Variants in ANO3 observed in about 807,000 individuals in gnomAD.
The protein encoded by ANO3 is anoctamin 3.
Under a neutral mutation model 144.8 loss-of-function variants are expected in ANO3, and 99 were observed. The ratio of observed to expected loss-of-function variants is 0.68; its 90% CI spans 0.58 to 0.81. The LOEUF (loss-of-function observed/expected upper bound fraction) is 0.81. Among genes scored for constraint, ANO3 ranks in the 30% least tolerant of loss-of-function variants. The pLI is 0.00. For synonymous variants in ANO3, 414 were observed against 392.6 expected, an observed-to-expected ratio of 1.05 and a Z score of -0.64; for missense variants, 905 against 1,202.2, an observed-to-expected ratio of 0.75 and a Z score of 3.66.
intron 1 of ANO3, among the ~76,000 whole-genome samples, chr11:26,437,887 CAATT>C (rs1858351371): frequency 6.6e-6 from 1 of 152,202 alleles, no homozygotes; most frequent in East Asian, 1.9e-4. Context: ...ATATTTAAAA[CAATT>C]AATCAAGACA....
intron 1 of ANO3, among the ~76,000 whole-genome samples, chr11:26,324,085 A>T (rs1854827573): frequency 6.6e-6 from 1 of 152,200 alleles, no homozygotes; most frequent in South Asian, 2.1e-4. Context: ...GCCCTACCTT[A>T]AGAGTATTTC....
chr11:26,394,536 A>AC (rs1175639980), intron 1 of ANO3, among the ~76,000 whole-genome samples: 1 of 151,344 alleles, frequency 6.6e-6, no homozygotes, highest in Admixed American at 6.6e-5. Flanking sequence ...AATAGGAGAT[A>AC]GATGGAAAAC....
chr11:26,551,314 TTGAG>T (rs1565097945), intron 12 of ANO3, among the ~76,000 whole-genome samples: 1 of 151,976 alleles, frequency 6.6e-6, no homozygotes, highest in East Asian at 1.9e-4. Flanking sequence ...AAACCACAAT[TTGAG>T]TGGTTGTTTG....
chr11:26,191,991 A>T (rs1019034786), intron 1 of ANO3, among the ~76,000 whole-genome samples: 1 of 152,218 alleles, frequency 6.6e-6, no homozygotes, highest in African/African-American at 2.4e-5. Context: ...CACATATAAA[A>T]ATTATGATTA....
chr11:26,508,826 T>C (rs1861535938), intron 5 of ANO3: 1 of 151,892 alleles, frequency 6.6e-6, no homozygotes, highest in South Asian at 2.1e-4. Flanking sequence ...TGTACAGTTA[T>C]AGAAAACATG....
intron 8 of ANO3, among the ~76,000 whole-genome samples, chr11:26,532,394 A>G (rs888492929): frequency 2.0e-5 from 3 of 152,148 alleles, no homozygotes; most frequent in Non-Finnish European, 2.9e-5. Context: ...ACCAAATGAA[A>G]AACATTCTAC....
chr11:26,464,630 A>T (rs971103874), intron 4 of ANO3, among the ~76,000 whole-genome samples: 9 of 151,508 alleles, frequency 5.9e-5, no homozygotes, highest in African/African-American at 1.9e-4. Flanking sequence ...TCAAAGTTTT[A>T]AAAAAGTTGG....
intron 14 of ANO3, chr11:26,565,455 G>A: frequency 6.2e-7 from 1 of 1,613,466 alleles, no homozygotes; most frequent in Non-Finnish European, 8.5e-7. Flanking sequence ...GGGATGTGCT[G>A]AGATGGGCAA....
chr11:26,305,157 C>CA (rs60302507), upstream of ANO3, among the ~76,000 whole-genome samples: 1,536 of 101,278 alleles, frequency 0.015, 17 homozygotes, highest in African/African-American at 0.031. Context: ...CCCTACAAGG[C>CA]AAAAAAAAAA....
At chr11:26,463,190 C>A (rs1339316619) in intron 4 of ANO3, 42 bp downstream of exon 4, 2 of 1,074,046 alleles carry the variant, frequency 1.9e-6, no homozygotes, top group Non-Finnish European at 2.8e-6. Context: ...TTTAGAGCAT[C>A]ATTTTTAAAA....
intron 14 of ANO3, among the ~76,000 whole-genome samples, chr11:26,596,245 CCT>C (rs1234522864): frequency 3.3e-5 from 5 of 151,910 alleles, no homozygotes; most frequent in Admixed American, 6.6e-5. Flanking sequence ...TCTGTTTCTT[CCT>C]CTCTCTCTCC....
At chr11:26,488,503 G>T (rs1338343854) in intron 4 of ANO3, among the ~76,000 whole-genome samples, 1 of 152,178 alleles carries the variant, frequency 6.6e-6, no homozygotes, top group East Asian at 1.9e-4. Flanking sequence ...AAAATGGTGT[G>T]TCTGGAGTTT....
chr11:26,471,682 A>G (rs571574973), intron 4 of ANO3, among the ~76,000 whole-genome samples: 1 of 152,076 alleles, frequency 6.6e-6, no homozygotes, highest in South Asian at 2.1e-4. Flanking sequence ...AAGTCATGAC[A>G]TGAGACGATT....
At chr11:26,391,116 A>G (rs1440678888) in intron 1 of ANO3, among the ~76,000 whole-genome samples, 2 of 152,142 alleles carry the variant, frequency 1.3e-5, no homozygotes, top group Non-Finnish European at 2.9e-5. Flanking sequence ...ACGAATTAAA[A>G]AAAAATATTT....
At chr11:26,501,497 A>G (rs75710101) in intron 4 of ANO3, among the ~76,000 whole-genome samples, 2,215 of 152,278 alleles carry the variant, frequency 0.015, 47 homozygotes, top group African/African-American at 0.051. Context: ...ACTGGGAAAG[A>G]GTGTCATCCT....
chr11:26,472,087 G>A lies in ANO3; in HGVS notation c.432+8939G>A, dbSNP rs1859804274. 3.3e-5 allele frequency among the ~76,000 whole-genome samples: 5 copies of A among 152,064 alleles called. No homozygotes were observed. In the South Asian group the frequency reaches 8.3e-4, roughly 25 times the overall value. On this transcript the variant is annotated intron_variant, in intron 4 of 26. Coordinates refer to ENST00000256737, the MANE Select transcript of ANO3 (RefSeq NM_031418.4). Reference sequence around the variant, plus strand: ...TGTATGGGCATTCCAGTTAAATGGTGCAGATAATGGTTCTACTTGATATTT... The same window carrying A: ...TGTATGGGCATTCCAGTTAAATGGTACAGATAATGGTTCTACTTGATATTT...
intron 1 of ANO3, among the ~76,000 whole-genome samples, chr11:26,275,785 T>G (rs1853545245): frequency 6.6e-6 from 1 of 152,128 alleles, no homozygotes; most frequent in South Asian, 2.1e-4. Flanking sequence ...GTGAGAGAAT[T>G]AACACAAGAA....
intron 10 of ANO3, among the ~76,000 whole-genome samples, chr11:26,538,598 G>C (rs1294759431): frequency 6.6e-6 from 1 of 152,136 alleles, no homozygotes; most frequent in African/African-American, 2.4e-5. Flanking sequence ...TGTAGCAAAG[G>C]AAGGTTTAAT....
intron 4 of ANO3, among the ~76,000 whole-genome samples, chr11:26,471,485 A>C (rs1859781106): frequency 6.6e-6 from 1 of 151,990 alleles, no homozygotes; most frequent in South Asian, 2.1e-4. Flanking sequence ...TTAGGATCAA[A>C]TAATAATAAG....
Sources: allele counts gnomAD v4.1 joint callset (sites outside exome capture counted in the v4.1 genomes callset), GRCh38; gene constraint gnomAD v4.1.1; transcripts MANE v1.5; gene names NCBI Gene and HGNC (gene_info 2026-07-23, HGNC 2026-07-21).